Variants in CNGB3 observed in about 807,000 individuals in gnomAD.
CNGB3 encodes the protein cyclic nucleotide-gated channel beta-3.
A neutral mutation model predicts 92.8 loss-of-function variants in CNGB3; 86 were observed. The observed-to-expected ratio is 0.93, with a 90% CI of 0.78 to 1.11. The LOEUF is 1.11. Ranked by LOEUF, CNGB3 falls within the 50% of genes least tolerant of loss-of-function variation. The probability of loss-of-function intolerance (pLI) is 0.00; values close to 1 mark genes in which losing one functional copy is unlikely to be tolerated. For synonymous variants in CNGB3, 333 were observed against 332.7 expected, an observed-to-expected ratio of 1.00 and a Z score of -0.01; for missense variants, 1,026 against 956.8, an observed-to-expected ratio of 1.07 and a Z score of -0.95.
chr8:86,677,750 G>T (rs1824002934), intron 3 of CNGB3, among the ~76,000 whole-genome samples: 1 of 152,138 alleles, frequency 6.6e-6, no homozygotes. Flanking sequence ...AAAGTGAGTA[G>T]GATGGGGGCA....
chr8:86,715,526 G>A (rs963844537), intron 3 of CNGB3, among the ~76,000 whole-genome samples: 1 of 151,946 alleles, frequency 6.6e-6, no homozygotes, highest in African/African-American at 2.4e-5. Flanking sequence ...GCACCCCATG[G>A]TACAAAAGAA....
chr8:86,589,673 T>C (rs1397632166), intron 15 of CNGB3, among the ~76,000 whole-genome samples: 1 of 152,254 alleles, frequency 6.6e-6, no homozygotes, highest in African/African-American at 2.4e-5. Flanking sequence ...TAGTCCTGAG[T>C]TCTAGTTTCA....
chr8:86,676,719 G>A (rs898605804), intron 3 of CNGB3, among the ~76,000 whole-genome samples: 4 of 152,082 alleles, frequency 2.6e-5, no homozygotes, highest in African/African-American at 9.7e-5. Flanking sequence ...ACCTCAGAAT[G>A]TGACCTTATT....
chr8:86,582,677 T>C (rs1233776241), intron 15 of CNGB3, among the ~76,000 whole-genome samples: 1 of 152,116 alleles, frequency 6.6e-6, no homozygotes, highest in Non-Finnish European at 1.5e-5. Flanking sequence ...TGGAGTACAG[T>C]ATTTAAAGTG....
chr8:86,733,339 A>G (rs756522690), intron 2 of CNGB3, among the ~76,000 whole-genome samples: 3 of 152,048 alleles, frequency 2.0e-5, no homozygotes, highest in Non-Finnish European at 2.9e-5. Flanking sequence ...TATCCAATCC[A>G]CTGTTGATGG....
At chr8:86,671,242 G>A in intron 3 of CNGB3, 144 bp from the exon 4 acceptor site, 1 of 851,260 alleles carries the variant, frequency 1.2e-6, no homozygotes, top group Non-Finnish European at 1.9e-6. Context: ...TCAAACATTA[G>A]GTTTAATGGA....
intron 13 of CNGB3, among the ~76,000 whole-genome samples, chr8:86,613,951 AAATTATATACAATTTATATAT>A (rs1822568111): frequency 6.8e-6 from 1 of 148,008 alleles, no homozygotes; most frequent in Non-Finnish European, 1.5e-5. Context: ...TATATTATAA[AAATTATATACAATTTATATAT>A]AATTATATAC....
intron 3 of CNGB3, among the ~76,000 whole-genome samples, chr8:86,709,209 T>G (rs4961212): frequency 0.36 from 54,038 of 151,954 alleles, 10,388 homozygotes; most frequent in East Asian, 0.53. Flanking sequence ...GTTTGTTTGG[T>G]TCATTCATTG....
chr8:86,584,324 G>A (rs1200042176), intron 15 of CNGB3, among the ~76,000 whole-genome samples: 1 of 152,178 alleles, frequency 6.6e-6, no homozygotes, highest in Non-Finnish European at 1.5e-5. Context: ...CTGTAGTTAT[G>A]CAAGGCTGGA....
intron 15 of CNGB3, among the ~76,000 whole-genome samples, chr8:86,589,849 T>G (rs576537077): frequency 1.3e-5 from 2 of 152,180 alleles, no homozygotes; most frequent in African/African-American, 4.8e-5. Context: ...TAGATGTCTA[T>G]TGGGTCTGCT....
chr8:86,593,831 A>G, intron 15 of CNGB3: 3 of 1,034,074 alleles, frequency 2.9e-6, no homozygotes, highest in Non-Finnish European at 4.4e-6. Flanking sequence ...CAGGTCAGGG[A>G]AGTTGGTCAA....
chr8:86,593,344 A>C (rs1349604309), intron 15 of CNGB3, among the ~76,000 whole-genome samples: 1 of 152,200 alleles, frequency 6.6e-6, no homozygotes, highest in Non-Finnish European at 1.5e-5. Context: ...AGAATACTTA[A>C]CTATGGTACT....
intron 6 of CNGB3, chr8:86,657,708 C>T (rs1823540149): frequency 2.2e-6 from 1 of 459,530 alleles, no homozygotes; most frequent in Non-Finnish European, 4.4e-6. Context: ...GTTGTGGTTG[C>T]CCACAAGCCG....
intron 10 of CNGB3, among the ~76,000 whole-genome samples, chr8:86,641,658 T>C (rs767451012): frequency 6.6e-6 from 1 of 151,818 alleles, no homozygotes; most frequent in Non-Finnish European, 1.5e-5. Context: ...TATACTAATT[T>C]AGAAGTTATT....
chr8:86,700,701 T>C (rs1013964885), intron 3 of CNGB3, among the ~76,000 whole-genome samples: 1 of 152,156 alleles, frequency 6.6e-6, no homozygotes, highest in African/African-American at 2.4e-5. Context: ...TGCAGTGGCA[T>C]GATCTCGGCT....
chr8:86,718,756 A>G (rs919972170), intron 3 of CNGB3, among the ~76,000 whole-genome samples: 4 of 152,108 alleles, frequency 2.6e-5, no homozygotes, highest in Admixed American at 2.6e-4. Context: ...ATGAACATAT[A>G]TGCAACAATC....
chr8:86,603,743 C>A (rs1269959196), intron 15 of CNGB3, among the ~76,000 whole-genome samples: 2 of 152,144 alleles, frequency 1.3e-5, no homozygotes, highest in Non-Finnish European at 2.9e-5. Flanking sequence ...TACGCAAGAC[C>A]CCCTTGTTAG....
intron 3 of CNGB3, among the ~76,000 whole-genome samples, chr8:86,696,408 G>T (rs969632659): frequency 2.6e-5 from 4 of 152,140 alleles, no homozygotes; most frequent in African/African-American, 9.7e-5. Context: ...GATCCCAAGA[G>T]CTTACGTCTT....
chr8:86,596,295 G>C (rs917619480), intron 15 of CNGB3, among the ~76,000 whole-genome samples: 2 of 152,234 alleles, frequency 1.3e-5, no homozygotes, highest in African/African-American at 4.8e-5. Flanking sequence ...ATGCAAATTG[G>C]TTCAATTTTT....
Sources: allele counts gnomAD v4.1 joint callset (sites outside exome capture counted in the v4.1 genomes callset), GRCh38; gene constraint gnomAD v4.1.1; transcripts MANE v1.5; gene names NCBI Gene and HGNC (gene_info 2026-07-23, HGNC 2026-07-21).